The following SCAPER variants were observed in gnomAD, a reference collection of about 807,000 sequenced individuals.
The protein encoded by SCAPER is S phase cyclin A-associated protein in the endoplasmic reticulum.
A neutral mutation model predicts 182.2 loss-of-function variants in SCAPER; 98 were observed. The observed-to-expected ratio is 0.54, with a 90% CI of 0.46 to 0.64. The LOEUF is 0.64. Ranked by LOEUF, SCAPER falls within the 30% of genes least tolerant of loss-of-function variation. SCAPER has a pLI of 0.00. For synonymous variants in SCAPER, 605 were observed against 564.6 expected (o/e 1.07, Z -1.01); for missense variants, 1,432 against 1,690.0 (o/e 0.85, Z 2.68).
intron 25 of SCAPER, among the ~76,000 whole-genome samples, chr15:76,438,197 G>A (rs1275232633): frequency 6.7e-6 from 1 of 149,188 alleles, no homozygotes; most frequent in African/African-American, 2.5e-5. Context: ...CAGGAGAATT[G>A]CTTGAACCCA....
At chr15:76,725,762 C>A (rs1268059707) in intron 17 of SCAPER, among the ~76,000 whole-genome samples, 3 of 151,768 alleles carry the variant, frequency 2.0e-5, no homozygotes, top group Non-Finnish European at 4.4e-5. Context: ...GTCTTTTCAA[C>A]AAGAAGTGAT....
chr15:76,658,254 T>C (rs1407100174), intron 21 of SCAPER, among the ~76,000 whole-genome samples: 1 of 152,126 alleles, frequency 6.6e-6, no homozygotes, highest in African/African-American at 2.4e-5. Context: ...ATCAGTGGCA[T>C]TTCTACACAC....
chr15:76,677,083 T>A (rs940796899), intron 20 of SCAPER, among the ~76,000 whole-genome samples: 2 of 152,124 alleles, frequency 1.3e-5, no homozygotes, highest in Admixed American at 6.5e-5. Context: ...AGCAAAGATA[T>A]ACCCTGTGAG....
chr15:76,880,037 T>C (rs918360700), intron 2 of SCAPER, among the ~76,000 whole-genome samples: 6 of 152,158 alleles, frequency 3.9e-5, no homozygotes, highest in African/African-American at 1.4e-4. Context: ...AAATGAACAT[T>C]ATTGGGAAAT....
chr15:76,690,373 T>C (rs1407955883), intron 20 of SCAPER, among the ~76,000 whole-genome samples: 3 of 151,874 alleles, frequency 2.0e-5, no homozygotes, highest in Admixed American at 6.6e-5. Context: ...CAAGAAAAGA[T>C]TGAGAAACTG....
At chr15:76,363,663 A>G (rs1242543875) in intron 29 of SCAPER, among the ~76,000 whole-genome samples, 3 of 152,238 alleles carry the variant, frequency 2.0e-5, no homozygotes, top group Non-Finnish European at 4.4e-5. Flanking sequence ...CTTGTCAGAG[A>G]CAAGGTGTCC....
At chr15:76,395,219 T>C (rs550631644) in intron 27 of SCAPER, among the ~76,000 whole-genome samples, 13 of 152,350 alleles carry the variant, frequency 8.5e-5, no homozygotes, top group Non-Finnish European at 1.6e-4. Context: ...ATTGTGTGTA[T>C]GAGTACATTT....
At chr15:76,562,391 C>T (rs906733316) in intron 23 of SCAPER, among the ~76,000 whole-genome samples, 2 of 152,030 alleles carry the variant, frequency 1.3e-5, no homozygotes, top group African/African-American at 2.4e-5. Flanking sequence ...ATGTTTAATA[C>T]ATTTGAATAA....
intron 9 of SCAPER, chr15:76,774,356 A>G (rs1348019033): frequency 5.4e-6 from 2 of 373,362 alleles, no homozygotes; most frequent in Non-Finnish European, 1.0e-5. Flanking sequence ...GAAAGATATT[A>G]AAGAAACATA....
At chr15:76,547,204 A>G (rs1173497754) in intron 23 of SCAPER, among the ~76,000 whole-genome samples, 3 of 152,156 alleles carry the variant, frequency 2.0e-5, no homozygotes, top group East Asian at 1.9e-4. Flanking sequence ...TCCCATATTT[A>G]GTATTTTGAA....
intron 25 of SCAPER, among the ~76,000 whole-genome samples, chr15:76,438,743 C>T (rs912507981): frequency 1.3e-5 from 2 of 152,212 alleles, no homozygotes; most frequent in African/African-American, 4.8e-5. Flanking sequence ...CCATGATCTC[C>T]TATTTTCCAA....
chr15:76,364,734 T>A (rs80003765), intron 29 of SCAPER, among the ~76,000 whole-genome samples: 15,325 of 152,046 alleles, frequency 0.1, 909 homozygotes, highest in African/African-American at 0.17. Flanking sequence ...GGAAGTCTGA[T>A]GCTCACCTAC....
At chr15:76,533,616 T>C (rs764494217) in intron 23 of SCAPER, among the ~76,000 whole-genome samples, 5 of 146,738 alleles carry the variant, frequency 3.4e-5, no homozygotes, top group Non-Finnish European at 6.0e-5. Context: ...TGTTGAGCAA[T>C]GCATGAGTGT....
chr15:76,678,889 T>C (rs1221012388), intron 20 of SCAPER, among the ~76,000 whole-genome samples: 2 of 152,188 alleles, frequency 1.3e-5, no homozygotes, highest in South Asian at 4.1e-4. Flanking sequence ...CAAGGACTTA[T>C]GCTAACTGCT....
chr15:76,619,850 A>G (rs1333099309), intron 22 of SCAPER, among the ~76,000 whole-genome samples: 1 of 152,084 alleles, frequency 6.6e-6, no homozygotes, highest in Non-Finnish European at 1.5e-5. Context: ...GGCTAAGGTG[A>G]GCAGACTGCC....
Position 76,617,392 on chromosome 15 carries a change from C to T in SCAPER, c.2711+4372G>A, listed in dbSNP as rs79334510. On this transcript the variant is annotated intron_variant, in intron 22 of 31. Coordinates refer to ENST00000563290, the MANE Select transcript of SCAPER (RefSeq NM_020843.4). ...TAATGACTTGGAATTCCACCTTTGT[C>T]GTTGCATCAGTAATTACTTGCTGTG... 6.8e-3 allele frequency among the ~76,000 whole-genome samples: 1,037 copies of T among 152,286 alleles called. 10 individuals carry two copies. Among genetic ancestry groups the T allele is most frequent in the East Asian group, 0.047 (243 of 5,186 alleles).
chr15:76,744,139 T>G (rs1457111635), intron 15 of SCAPER, among the ~76,000 whole-genome samples: 1 of 152,118 alleles, frequency 6.6e-6, no homozygotes, highest in Non-Finnish European at 1.5e-5. Context: ...AAAATTGACT[T>G]AAGATGGATT....
chr15:76,810,556 CACACACA>C (rs2066521154), intron 5 of SCAPER, among the ~76,000 whole-genome samples: 13 of 142,708 alleles, frequency 9.1e-5, no homozygotes, highest in African/African-American at 2.1e-4. Flanking sequence ...AAAAACCACA[CACACACA>C]CACACACACA....
intron 8 of SCAPER, among the ~76,000 whole-genome samples, chr15:76,782,641 C>T (rs982269516): frequency 2.0e-5 from 3 of 152,128 alleles, no homozygotes; most frequent in Non-Finnish European, 4.4e-5. Context: ...GTAAAGCACT[C>T]CTCAGCAAAT....
Sources: gnomAD v4.1 joint callset for allele counts (sites outside exome capture counted in the v4.1 genomes callset) on GRCh38, gnomAD v4.1.1 for gene constraint, MANE v1.5 for transcripts, NCBI Gene and HGNC (gene_info 2026-07-23, HGNC 2026-07-21) for gene names.